Variants in RAB15 observed in about 807,000 individuals in gnomAD.
RAB15 encodes the protein RAB15, member RAS oncogene family.
In RAB15, 13 loss-of-function variants were observed where a neutral mutation model predicts 31.8. The ratio of observed to expected loss-of-function variants is 0.41; its 90% confidence interval spans 0.27 to 0.65. The LOEUF is 0.65. Ranked by LOEUF, RAB15 falls within the 30% of genes least tolerant of loss-of-function variation. RAB15 has a pLI of 0.32. For synonymous variants in RAB15, 100 were observed against 105.6 expected, an observed-to-expected ratio of 0.95 and a Z score of 0.33; for missense variants, 220 against 277.3, an observed-to-expected ratio of 0.79 and a Z score of 1.47.
chr14:64,960,347 G>A (rs574435020), intron 1 of RAB15, among the ~76,000 whole-genome samples: 3 of 152,178 alleles, frequency 2.0e-5, no homozygotes, highest in Non-Finnish European at 4.4e-5. Flanking sequence ...GAGCAGGCAG[G>A]GCACATCCAC....
intron 1 of RAB15, among the ~76,000 whole-genome samples, chr14:64,969,835 G>T (rs1441878019): frequency 6.6e-6 from 1 of 152,194 alleles, no homozygotes; most frequent in Non-Finnish European, 1.5e-5. Flanking sequence ...AGGTGTCTAA[G>T]AAGGGAGATT....
At chr14:64,964,469 C>A (rs1302406043) in intron 1 of RAB15, among the ~76,000 whole-genome samples, 1 of 145,402 alleles carries the variant, frequency 6.9e-6, no homozygotes, top group Non-Finnish European at 1.5e-5. Flanking sequence ...TGGCAGTGTG[C>A]TGAGATCTCC....
At chr14:64,956,623 C>G (rs1047127468) in intron 1 of RAB15, among the ~76,000 whole-genome samples, 1 of 152,106 alleles carries the variant, frequency 6.6e-6, no homozygotes, top group African/African-American at 2.4e-5. Flanking sequence ...AGAGCGAGAG[C>G]ACAAGAGTTC....
chr14:64,967,724 T>C (rs1478365633), intron 1 of RAB15, among the ~76,000 whole-genome samples: 1 of 152,194 alleles, frequency 6.6e-6, no homozygotes, highest in Non-Finnish European at 1.5e-5. Context: ...TAGATGTCCA[T>C]GTATGACATC....
At chr14:64,961,545 G>A (rs1282957007) in intron 1 of RAB15, among the ~76,000 whole-genome samples, 1 of 152,180 alleles carries the variant, frequency 6.6e-6, no homozygotes, top group East Asian at 1.9e-4. Flanking sequence ...TGCAGCCAGG[G>A]CACTCTGGAG....
chr14:64,957,037 A>G (rs67346920), intron 1 of RAB15, among the ~76,000 whole-genome samples: 42,489 of 151,006 alleles, frequency 0.28, 6,274 homozygotes, highest in South Asian at 0.32. Flanking sequence ...GGACTCAAGC[A>G]ATCCTCCCAG....
chr14:64,961,284 G>C (rs1436412569), intron 1 of RAB15, among the ~76,000 whole-genome samples: 1 of 152,166 alleles, frequency 6.6e-6, no homozygotes, highest in Non-Finnish European at 1.5e-5. Context: ...GTGGCAGGAG[G>C]TCACCTCTAA....
chr14:64,962,746 C>T lies in RAB15; in HGVS notation c.124+9207G>A, dbSNP rs1157683462. ...GGAAGAGGGTCAACAGTACTCTCTC[C>T]TTTGTTACAAAAGGGGAACTGCAGC... On this transcript the variant is annotated intron_variant, in intron 1 of 6. Transcript: ENST00000533601. The surrounding 1 kb of genome is among the most constrained non-coding windows in gnomAD (Gnocchi z 4.2). Among the ~76,000 whole-genome samples the T allele has an allele frequency of 6.6e-6, 1 of 152,208 alleles. No individual in the cohort carries two copies. The highest frequency in any genetic ancestry group is 2.4e-5 in the African/African-American group (1 of 41,448).
chr14:64,966,762 TA>T (rs985711993), intron 1 of RAB15, among the ~76,000 whole-genome samples: 8 of 152,174 alleles, frequency 5.3e-5, no homozygotes. Flanking sequence ...ATGTGCATGT[TA>T]ATCTGGGCTC....
chr14:64,953,484 C>G lies in RAB15; in HGVS notation c.125-913G>C, dbSNP rs1453202100. ...GAGGCAGTGGCATGGCATGGCATGT[C>G]ACTGCGGGAGGGAAAGGAAGCAAAG... On this transcript the variant is annotated intron_variant, in intron 1 of 6. Coordinates refer to ENST00000533601, the MANE Select transcript of RAB15 (RefSeq NM_001308154.2). The surrounding 1 kb of genome is among the most constrained non-coding windows in gnomAD (Gnocchi z 4.6). Among the ~76,000 whole-genome samples the G allele has an allele frequency of 2.0e-5, 3 of 152,172 alleles. No homozygotes were observed. The highest frequency in any genetic ancestry group is 7.2e-5 in the African/African-American group (3 of 41,430).
At chr14:64,959,872 AG>A in intron 1 of RAB15, among the ~76,000 whole-genome samples, 1 of 150,254 alleles carries the variant, frequency 6.7e-6, no homozygotes, top group East Asian at 2.0e-4. Flanking sequence ...AAAAAAAAAA[AG>A]CAATTCCATG....
chr14:64,946,242 A>C lies in RAB15; in HGVS notation c.*2112T>G, dbSNP rs1363119055. 1 of 152,058 alleles carries C rather than the reference A, an allele frequency of 6.6e-6. No homozygotes were observed. Among genetic ancestry groups the C allele is most frequent in the Non-Finnish European group, 1.5e-5 (1 of 68,014 alleles). 9.4% of individuals were successfully genotyped at this position (152,058 alleles called of 1,614,324 possible). The stretch of plus-strand genomic sequence containing the variant: ...GTACAAATATAGTCCTTCTTTCCTG[A>C]GGGGGCTAGGAGAGAAAGACAATGA... On this transcript the variant is annotated 3_prime_UTR_variant, in exon 7 of 7. Transcript: ENST00000533601.
At chr14:64,963,109 CTTTTTTTTT>C (rs1165246293) in intron 1 of RAB15, among the ~76,000 whole-genome samples, 2 of 96,400 alleles carry the variant, frequency 2.1e-5, no homozygotes, top group Non-Finnish European at 3.7e-5. Context: ...CCCTTCCCCA[CTTTTTTTTT>C]TTTTTTTTTT....
rs1010762572 is a variant in RAB15, at chr14:64,971,499, C to T, written c.124+454G>A. Among the ~76,000 whole-genome samples, 9 of 152,112 alleles carry T rather than the reference C, an allele frequency of 5.9e-5. No individual in the cohort carries two copies. Among genetic ancestry groups the T allele is most frequent in the South Asian group, 2.1e-4 (1 of 4,816 alleles). Reference sequence around the variant, plus strand: ...CGTACGTCCTCTCTTCCCCCCCTCGCCCCCCGCCGGCTCCACCTTGGGTCA... The same window carrying T: ...CGTACGTCCTCTCTTCCCCCCCTCGTCCCCCGCCGGCTCCACCTTGGGTCA... On this transcript the variant is annotated intron_variant, in intron 1 of 6. Coordinates refer to ENST00000533601, the MANE Select transcript of RAB15 (RefSeq NM_001308154.2). This position sits in a 1 kb window ranked among gnomAD's most constrained non-coding sequence, Gnocchi z 4.1.
At chr14:64,964,255 G>C (rs1233999918) in intron 1 of RAB15, among the ~76,000 whole-genome samples, 2 of 152,120 alleles carry the variant, frequency 1.3e-5, no homozygotes, top group Non-Finnish European at 2.9e-5. Flanking sequence ...CGGGCGTGGT[G>C]GCTCATGCCC....
At chr14:64,957,825 T>C (rs1181006073) in intron 1 of RAB15, 2 of 151,826 alleles carry the variant, frequency 1.3e-5, no homozygotes, top group African/African-American at 2.4e-5. Context: ...CTTACCACCT[T>C]TTCCCACATG....
chr14:64,952,435 C>T lies in RAB15; in HGVS notation c.185+76G>A. On this transcript the variant is annotated intron_variant, in intron 2 of 6. Coordinates refer to ENST00000533601, the MANE Select transcript of RAB15 (RefSeq NM_001308154.2). The surrounding 1 kb of genome is among the most constrained non-coding windows in gnomAD (Gnocchi z 4.2). ...TCCCAGGTGAAGCCTAGGAATTTTA[C>T]ACATGGCAGGGGCAGCTAAGGAGCA... The T allele has an allele frequency of 3.6e-6, 4 of 1,117,402 alleles. No individual in the cohort carries two copies. Among genetic ancestry groups the T allele is most frequent in the Non-Finnish European group, 5.4e-6 (4 of 745,182 alleles). 69.2% of individuals were successfully genotyped at this position (1,117,402 alleles called of 1,614,324 possible).
intron 1 of RAB15, among the ~76,000 whole-genome samples, chr14:64,965,892 C>T (rs1438911310): frequency 6.6e-6 from 1 of 152,062 alleles, no homozygotes; most frequent in Non-Finnish European, 1.5e-5. Flanking sequence ...CCGCGGGCTT[C>T]AGATATGTTC....
At position 64,950,088 on chromosome 14, in the gene RAB15, G is replaced by T. The variant is rs561985738; in HGVS notation, c.414+237C>A. 3.3e-5 allele frequency among the ~76,000 whole-genome samples: 5 copies of T among 152,318 alleles called. No homozygotes were observed. In the East Asian group the frequency reaches 7.7e-4, roughly 24 times the overall value. ...CCTGCATTTGGGGACCTGGACTTGG[G>T]AGAGTTGCTGCCTATGACGTCTTTG... On this transcript the variant is annotated intron_variant, in intron 5 of 6. Coordinates refer to ENST00000533601, the MANE Select transcript of RAB15 (RefSeq NM_001308154.2). The surrounding 1 kb of genome is among the most constrained non-coding windows in gnomAD (Gnocchi z 5.6).
Sources: allele counts gnomAD v4.1 joint callset (sites outside exome capture counted in the v4.1 genomes callset), GRCh38; gene constraint gnomAD v4.1.1; non-coding constraint Gnocchi (gnomAD v3.1); transcripts MANE v1.5; gene names NCBI Gene and HGNC (gene_info 2026-07-23, HGNC 2026-07-21).